The following CACNA2D1 variants were observed in gnomAD, a reference collection of about 807,000 sequenced individuals.
CACNA2D1 encodes calcium voltage-gated channel auxiliary subunit alpha2delta 1.
CACNA2D1 carries 53 observed loss-of-function variants against 171.5 expected under a neutral mutation model. The ratio of observed to expected loss-of-function variants is 0.31; its 90% CI spans 0.25 to 0.39. The LOEUF is 0.39. CACNA2D1 is among the 10% of genes least tolerant of loss of function. The probability of loss-of-function intolerance (pLI) is 1.00; values close to 1 mark genes in which losing one functional copy is unlikely to be tolerated. For synonymous variants in CACNA2D1, 442 were observed against 443.1 expected, an observed-to-expected ratio of 1.00 and a Z score of 0.03; for missense variants, 903 against 1,299.8, an observed-to-expected ratio of 0.69 and a Z score of 4.69.
intron 1 of CACNA2D1, among the ~76,000 whole-genome samples, chr7:82,357,772 T>G (rs1240886253): frequency 6.6e-6 from 1 of 150,666 alleles, no homozygotes; most frequent in Non-Finnish European, 1.5e-5. Flanking sequence ...AATGACCAGT[T>G]AATGGGTGCA....
chr7:82,104,880 C>T lies in CACNA2D1; in HGVS notation c.526+12164G>A, dbSNP rs181640812. Among the ~76,000 whole-genome samples, 293 of 152,118 alleles carry T rather than the reference C, an allele frequency of 1.9e-3. 5 individuals are homozygous for T. The South Asian group carries it at 0.024, about 12-fold the overall frequency. On this transcript the variant is annotated intron_variant, in intron 6 of 38. Coordinates refer to ENST00000356860, the MANE Select transcript of CACNA2D1 (RefSeq NM_000722.4). ...TGATTATATATAACACTTGCATGGT[C>T]TTTTAAAATTATAGATGACTGCCTT... is the stretch of plus-strand genomic sequence containing the variant.
rs190937551 is a variant in CACNA2D1 at position 82,185,023 on chromosome 7, G to A, written c.295-14414C>T. Among the ~76,000 whole-genome samples, 185 of 152,194 alleles carry A rather than the reference G, an allele frequency of 1.2e-3. No homozygotes were observed. The Middle Eastern group carries it at 0.024, about 20-fold the overall frequency. ...GTGGACCAGCTGGAATTTAAATAGA[G>A]GCTACCTATTCCAGAGTCCTTGTCT... On this transcript the variant is annotated intron_variant, in intron 3 of 38. Transcript: ENST00000356860.
At position 82,344,750 on chromosome 7, in the gene CACNA2D1, A is replaced by G. The variant is rs143731292; in HGVS notation, c.177+4818T>C. ...AGAGCAAATCCAGGAGTATAAGATA[A>G]TTTTAAATTGCCTACATCGTTATGG... is the stretch of plus-strand genomic sequence containing the variant. On this transcript the variant is annotated intron_variant, in intron 2 of 38. Transcript: ENST00000356860. Among the ~76,000 whole-genome samples, 778 of 152,270 alleles carry G rather than the reference A, an allele frequency of 5.1e-3. 22 individuals carry two copies. In the East Asian group the frequency reaches 0.08, roughly 16 times the overall value.
intron 18 of CACNA2D1, 110 bp from the exon 19 acceptor site, chr7:81,997,360 A>G: frequency 1.5e-6 from 1 of 683,478 alleles, no homozygotes; most frequent in East Asian, 2.8e-5. Context: ...CCTAGGATAC[A>G]ATAATTGTAT....
chr7:81,968,323 G>T (rs769087055), intron 29 of CACNA2D1, among the ~76,000 whole-genome samples: 1 of 151,216 alleles, frequency 6.6e-6, no homozygotes, highest in Admixed American at 6.6e-5. Context: ...GCCCACTTCC[G>T]ATCCTCATTA....
At chr7:82,065,020 T>G (rs534603414) in intron 8 of CACNA2D1, among the ~76,000 whole-genome samples, 1 of 152,246 alleles carries the variant, frequency 6.6e-6, no homozygotes, top group Non-Finnish European at 1.5e-5. Context: ...TCATCTTGAT[T>G]GTGTATGACT....
At chr7:82,265,987 A>G (rs1395600746) in intron 3 of CACNA2D1, among the ~76,000 whole-genome samples, 1 of 152,206 alleles carries the variant, frequency 6.6e-6, no homozygotes, top group African/African-American at 2.4e-5. Flanking sequence ...ATGGAAACAC[A>G]TTCTAGCTCA....
chr7:81,964,119 AAAT>A lies in CACNA2D1; in HGVS notation c.2728-14_2728-12del, dbSNP rs746269947. 3 of 1,612,096 alleles carry A rather than the reference AAAT, an allele frequency of 1.9e-6. No homozygotes were observed. Among genetic ancestry groups the A allele is most frequent in the East Asian group, 2.2e-5 (1 of 44,814 alleles). Reference sequence around the variant, plus strand: ...GTCTGCTACTGATGGCTATAAAATAAAATAATAAGGTCATTTCAGTAGTCTACT... The same window carrying A: ...GTCTGCTACTGATGGCTATAAAATAAAATAAGGTCATTTCAGTAGTCTACT... On this transcript the variant is annotated splice_polypyrimidine_tract_variant and intron_variant, in intron 33 of 38. Transcript: ENST00000356860.
rs1258623198 is a variant in CACNA2D1, at chr7:82,335,200, G to T, written c.229C>A (p.Gln77Lys). The T allele has an allele frequency of 1.2e-6, 2 of 1,613,242 alleles. No individual in the cohort carries two copies. Among genetic ancestry groups the T allele is most frequent in the African/African-American group, 1.3e-5 (1 of 74,920 alleles). Residue 77 changes from glutamine (Q) to lysine (K), a missense_variant, in exon 3 of 39, where the codon CAG becomes AAG. By Grantham distance (53) the Gln-to-Lys change is moderately conservative. Transcript: ENST00000356860. ...LYTVEPNNARQLVEIAARDIE... is the reference protein window; with the variant it reads ...LYTVEPNNARKLVEIAARDIE... ...TCCCTGGCTGCAATTTCTACCAGCT[G>T]GCGTGCATTATTTGGTTCCACAGTA...
At chr7:82,091,593 G>C (rs148838448) in intron 6 of CACNA2D1, among the ~76,000 whole-genome samples, 2 of 152,130 alleles carry the variant, frequency 1.3e-5, no homozygotes, top group East Asian at 1.9e-4. Flanking sequence ...GAAGACACTA[G>C]TATCTAATAT....
At chr7:82,171,116 G>T (rs1168537186) in intron 3 of CACNA2D1, among the ~76,000 whole-genome samples, 4 of 151,996 alleles carry the variant, frequency 2.6e-5, no homozygotes, top group African/African-American at 4.8e-5. Context: ...TACATCTTTA[G>T]TAGTTCTTTC....
At chr7:82,184,027 T>C in intron 3 of CACNA2D1, among the ~76,000 whole-genome samples, 1 of 152,066 alleles carries the variant, frequency 6.6e-6, no homozygotes, top group East Asian at 1.9e-4. Context: ...TTAAATAATT[T>C]ACCTTTGAGT....
chr7:82,040,398 A>G (rs1803792103), intron 10 of CACNA2D1, among the ~76,000 whole-genome samples: 1 of 150,876 alleles, frequency 6.6e-6, no homozygotes, highest in Admixed American at 6.6e-5. Context: ...ATGTCAAGAA[A>G]TGATAACATT....
intron 6 of CACNA2D1, among the ~76,000 whole-genome samples, chr7:82,110,786 C>CCA (rs1491334030): frequency 6.6e-6 from 1 of 152,158 alleles, no homozygotes; most frequent in Non-Finnish European, 1.5e-5. Context: ...ATTGCCTTAG[C>CCA]CACAAGGCCT....
rs1423711232 is a variant in CACNA2D1 at position 82,138,440 on chromosome 7, GTTT to G, written c.355-1767_355-1765del. Among the ~76,000 whole-genome samples, 10 of 95,394 alleles carry G rather than the reference GTTT, an allele frequency of 1.0e-4. 1 individual carries two copies. In the Middle Eastern group the frequency reaches 0.016, roughly 157 times the overall value. 62.6% of individuals were successfully genotyped at this position (95,394 alleles called of 152,430 possible). ...TTATAGCATTAGTTTTGTTTTTTTT[GTTT>G]TTTTTGTTTTTTTTTTTTTTTGAGA... On this transcript the variant is annotated intron_variant, in intron 4 of 38. Coordinates refer to ENST00000356860, the MANE Select transcript of CACNA2D1 (RefSeq NM_000722.4).
chr7:82,280,564 A>C (rs1809959172), intron 3 of CACNA2D1, among the ~76,000 whole-genome samples: 1 of 152,210 alleles, frequency 6.6e-6, no homozygotes, highest in Non-Finnish European at 1.5e-5. Flanking sequence ...TGAAATTTAC[A>C]TTTTTTAAAT....
chr7:82,130,791 CTTTTT>C (rs71093363), intron 5 of CACNA2D1, among the ~76,000 whole-genome samples: 2 of 105,860 alleles, frequency 1.9e-5, no homozygotes, highest in South Asian at 6.4e-4. Context: ...TTGTTTTTGT[CTTTTT>C]TTTTTTTTTT....
chr7:81,980,200 A>AAAAAAG (rs1796312640), intron 24 of CACNA2D1, among the ~76,000 whole-genome samples: 2 of 136,806 alleles, frequency 1.5e-5, no homozygotes, highest in African/African-American at 2.7e-5. Context: ...AAAAAAAAAA[A>AAAAAAG]GAAAGTGCAT....
At chr7:82,036,447 T>C (rs1042568131) in intron 11 of CACNA2D1, among the ~76,000 whole-genome samples, 5 of 152,186 alleles carry the variant, frequency 3.3e-5, no homozygotes, top group Non-Finnish European at 5.9e-5. Context: ...TTTTCTGAAA[T>C]AATTTTCCCT....
Sources: gnomAD v4.1 joint callset for allele counts (sites outside exome capture counted in the v4.1 genomes callset) on GRCh38, gnomAD v4.1.1 for gene constraint, MANE v1.5 for transcripts, NCBI Gene and HGNC (gene_info 2026-07-23, HGNC 2026-07-21) for gene names.